The following PTGER3 variants were observed in gnomAD, a reference collection of about 807,000 sequenced individuals.
PTGER3 encodes prostaglandin E receptor 3, also known as prostaglandin E2 receptor EP3 subtype.
A neutral mutation model predicts 34.7 loss-of-function variants in PTGER3; 22 were observed. That is an observed-to-expected ratio of 0.63 (90% CI 0.45 to 0.91). The LOEUF (loss-of-function observed/expected upper bound fraction) is 0.91, where lower values mean the gene tolerates loss of function less well. PTGER3 is among the 40% of genes least tolerant of loss of function. PTGER3 has a pLI of 0.00. For synonymous variants in PTGER3, 241 were observed against 230.1 expected, an observed-to-expected ratio of 1.05 and a Z score of -0.43; for missense variants, 468 against 519.4, an observed-to-expected ratio of 0.90 and a Z score of 0.96.
intron 4 of PTGER3, among the ~76,000 whole-genome samples, chr1:70,867,448 C>T (rs573402651): frequency 3.9e-5 from 6 of 152,218 alleles, no homozygotes; most frequent in East Asian, 1.9e-4. Context: ...GGGCCAGTTG[C>T]GGTGGCTCAC....
At chr1:70,884,273 C>G (rs1406798980) in intron 4 of PTGER3, among the ~76,000 whole-genome samples, 1 of 152,140 alleles carries the variant, frequency 6.6e-6, no homozygotes, top group Non-Finnish European at 1.5e-5. Context: ...TATCCACCCC[C>G]TGGTATACAC....
chr1:71,026,555 A>T (rs1431025677), intron 1 of PTGER3, among the ~76,000 whole-genome samples: 2 of 152,050 alleles, frequency 1.3e-5, no homozygotes, highest in African/African-American at 4.8e-5. Flanking sequence ...GGAAAATGGA[A>T]AATTATAATG....
At chr1:70,973,221 TGATAGATAGATAGATAGATAGATA>T (rs72155144) in intron 3 of PTGER3, among the ~76,000 whole-genome samples, 13 of 137,574 alleles carry the variant, frequency 9.4e-5, no homozygotes, top group Non-Finnish European at 1.9e-4. Flanking sequence ...GATAGATAGA[TGATAGATAGATAGATAGATAGATA>T]GATAGATAGA....
intron 4 of PTGER3, among the ~76,000 whole-genome samples, chr1:70,938,180 A>G (rs547357078): frequency 3.3e-5 from 5 of 152,206 alleles, no homozygotes; most frequent in Non-Finnish European, 7.3e-5. Flanking sequence ...AAATAAAAAT[A>G]GAAAATCAGA....
chr1:70,865,851 G>A, intron 4 of PTGER3: 1 of 1,325,282 alleles, frequency 7.5e-7, no homozygotes, highest in African/African-American at 1.5e-5. Flanking sequence ...GAAGAGCAGA[G>A]ATGACATGAC....
At chr1:70,858,168 A>G (rs1645850675) in intron 4 of PTGER3, among the ~76,000 whole-genome samples, 1 of 150,416 alleles carries the variant, frequency 6.6e-6, no homozygotes, top group Non-Finnish European at 1.5e-5. Context: ...GCAATGATCT[A>G]CTGAGCTCAG....
intron 2 of PTGER3, among the ~76,000 whole-genome samples, chr1:70,993,839 A>G (rs1368464701): frequency 6.6e-6 from 1 of 152,230 alleles, no homozygotes; most frequent in Non-Finnish European, 1.5e-5. Flanking sequence ...TGATATGAAC[A>G]CATGGCAGGA....
At chr1:70,998,055 TTCTC>T (rs1338523106) in intron 2 of PTGER3, among the ~76,000 whole-genome samples, 3 of 152,234 alleles carry the variant, frequency 2.0e-5, no homozygotes, top group South Asian at 4.1e-4. Context: ...GTCAGACTCT[TTCTC>T]TCTGTAGCTT....
chr1:70,886,111 A>G (rs1459358000), intron 4 of PTGER3, among the ~76,000 whole-genome samples: 2 of 152,124 alleles, frequency 1.3e-5, no homozygotes, highest in African/African-American at 2.4e-5. Flanking sequence ...ACATTTGGAG[A>G]TAGAGCTTTG....
At chr1:70,919,633 G>T (rs1447339988) in intron 4 of PTGER3, among the ~76,000 whole-genome samples, 1 of 152,056 alleles carries the variant, frequency 6.6e-6, no homozygotes, top group Admixed American at 6.6e-5. Flanking sequence ...TGTTAAGTGG[G>T]CATTTGTAAT....
At chr1:70,955,838 G>T (rs1321973732) in intron 2 of PTGER3, among the ~76,000 whole-genome samples, 5 of 152,038 alleles carry the variant, frequency 3.3e-5, no homozygotes, top group Admixed American at 2.6e-4. Context: ...ATATTCTAGG[G>T]TCACTAATCC....
chr1:70,998,963 C>T (rs1656229463), intron 2 of PTGER3, among the ~76,000 whole-genome samples: 1 of 152,082 alleles, frequency 6.6e-6, no homozygotes, highest in African/African-American at 2.4e-5. Flanking sequence ...GGGCGGATCA[C>T]GAGGTCAGGA....
rs560863902 is a variant in PTGER3, at chr1:71,047,613, G to C, written c.-36C>G. On this transcript the variant is annotated 5_prime_UTR_variant, in exon 1 of 4. Coordinates refer to ENST00000306666, the MANE Select transcript of PTGER3 (RefSeq NM_198719.2). ...AGGTGAGGAGGGGATGGCGTCCAGA[G>C]AGCCGCAGCGGGAGGGGGCAGACGC... 2.1e-5 allele frequency: 31 copies of C among 1,482,770 alleles called. No individual in the cohort carries two copies. The highest frequency in any genetic ancestry group is 2.5e-5 in the Non-Finnish European group (28 of 1,111,874). The allele number at this position is 1,482,770 out of a possible 1,614,324, so 91.9% of individuals were successfully genotyped here.
At chr1:70,894,898 C>T (rs1206946664) in intron 4 of PTGER3, among the ~76,000 whole-genome samples, 2 of 152,172 alleles carry the variant, frequency 1.3e-5, no homozygotes, top group East Asian at 3.9e-4. Context: ...CTATATCTGA[C>T]ACCAAAATCC....
intron 4 of PTGER3, among the ~76,000 whole-genome samples, chr1:70,922,239 A>AT (rs148681594): frequency 0.039 from 5,989 of 152,244 alleles, 423 homozygotes; most frequent in African/African-American, 0.14. Context: ...AAGAGATTTT[A>AT]TATAAGAAAC....
intron 4 of PTGER3, among the ~76,000 whole-genome samples, chr1:70,935,869 C>A (rs971396638): frequency 2.0e-5 from 3 of 151,372 alleles, no homozygotes; most frequent in Admixed American, 1.3e-4. Flanking sequence ...TAGATTTTAC[C>A]AAGATGAAAC....
intron 4 of PTGER3, among the ~76,000 whole-genome samples, chr1:70,929,064 T>C (rs1007325727): frequency 4.6e-5 from 7 of 152,136 alleles, no homozygotes; most frequent in African/African-American, 1.7e-4. Context: ...AGCTGCAAAC[T>C]AGAGTTTTGT....
intron 4 of PTGER3, among the ~76,000 whole-genome samples, chr1:70,891,406 G>A (rs1646614607): frequency 6.6e-6 from 1 of 152,144 alleles, no homozygotes; most frequent in Non-Finnish European, 1.5e-5. Context: ...TAATGAAGCA[G>A]CTAGAAACAT....
intron 4 of PTGER3, among the ~76,000 whole-genome samples, chr1:70,896,607 C>G (rs1182138174): frequency 6.6e-6 from 1 of 152,212 alleles, no homozygotes; most frequent in Non-Finnish European, 1.5e-5. Context: ...GAAGCTAATA[C>G]AGCCTTCTTA....
Sources: allele counts gnomAD v4.1 joint callset (sites outside exome capture counted in the v4.1 genomes callset), GRCh38; gene constraint gnomAD v4.1.1; transcripts MANE v1.5; gene names NCBI Gene and HGNC (gene_info 2026-07-23, HGNC 2026-07-21).